Variants in CACNA1E observed in about 807,000 individuals in gnomAD.
CACNA1E encodes the protein calcium voltage-gated channel subunit alpha1 E, also known as voltage-dependent R-type calcium channel subunit alpha-1E.
In CACNA1E, 40 loss-of-function variants were observed where a neutral mutation model predicts 259.2. The ratio of observed to expected loss-of-function variants is 0.15; its 90% confidence interval spans 0.12 to 0.20. CACNA1E has a LOEUF of 0.20. CACNA1E is among the 10% of genes least tolerant of loss of function. CACNA1E has a pLI of 1.00. For synonymous variants in CACNA1E, 1,104 were observed against 1,138.5 expected, an observed-to-expected ratio of 0.97 and a Z score of 0.61; for missense variants, 1,874 against 3,040.1, an observed-to-expected ratio of 0.62 and a Z score of 9.02.
At chr1:181,422,162 C>T (rs530426383) in intron 2 of CACNA1E, among the ~76,000 whole-genome samples, 20 of 152,332 alleles carry the variant, frequency 1.3e-4, no homozygotes, top group African/African-American at 4.6e-4. Context: ...CTTCATCACA[C>T]AGTCTAAAAT....
intron 2 of CACNA1E, among the ~76,000 whole-genome samples, chr1:181,416,351 C>G (rs1452143495): frequency 6.6e-6 from 1 of 152,224 alleles, no homozygotes; most frequent in Non-Finnish European, 1.5e-5. Flanking sequence ...ATCTGCCATT[C>G]TGCAAGCTCA....
chr1:181,318,736 CG>C (rs1557906219), intron 1 of CACNA1E, among the ~76,000 whole-genome samples: 1 of 152,122 alleles, frequency 6.6e-6, no homozygotes, highest in Non-Finnish European at 1.5e-5. Context: ...GGAGGCGACT[CG>C]GGACTGCTGT....
intron 2 of CACNA1E, among the ~76,000 whole-genome samples, chr1:181,458,359 A>G (rs1415639338): frequency 3.3e-5 from 5 of 152,200 alleles, no homozygotes; most frequent in Non-Finnish European, 7.3e-5. Flanking sequence ...GCCCACCAGA[A>G]GGCAAAAACA....
At chr1:181,360,804 A>G (rs1653807278) in intron 1 of CACNA1E, among the ~76,000 whole-genome samples, 2 of 152,164 alleles carry the variant, frequency 1.3e-5, no homozygotes, top group Admixed American at 1.3e-4. Context: ...CCCTTTACAA[A>G]ATATTTCTGG....
chr1:181,694,818 G>T (rs1291671343), intron 7 of CACNA1E, among the ~76,000 whole-genome samples: 1 of 152,108 alleles, frequency 6.6e-6, no homozygotes, highest in African/African-American at 2.4e-5. Context: ...CTGGAAATGG[G>T]CAAGGACTTT....
At chr1:181,480,356 G>A (rs115337538), upstream of CACNA1E, among the ~76,000 whole-genome samples, 1,302 of 152,234 alleles carry the variant, frequency 8.6e-3, 6 homozygotes, top group Admixed American at 0.014. Flanking sequence ...CACCCTCCAA[G>A]AATTATCCCT....
At chr1:181,409,525 G>T (rs16857253) in intron 1 of CACNA1E, among the ~76,000 whole-genome samples, 15,956 of 152,260 alleles carry the variant, frequency 0.1, 921 homozygotes, top group South Asian at 0.18. Flanking sequence ...AGTACTAGGT[G>T]CTGGGTATAG....
chr1:181,791,969 TG>T (rs1251738429), intron 44 of CACNA1E, among the ~76,000 whole-genome samples: 2 of 152,182 alleles, frequency 1.3e-5, no homozygotes, highest in African/African-American at 4.8e-5. Flanking sequence ...CGTGCATGGT[TG>T]TGTGGGGGAG....
intron 3 of CACNA1E, among the ~76,000 whole-genome samples, chr1:181,530,473 C>A (rs1667699626): frequency 6.6e-6 from 1 of 151,950 alleles, no homozygotes; most frequent in Non-Finnish European, 1.5e-5. Flanking sequence ...TCAGTTGATT[C>A]CAGTGAAAAA....
At chr1:181,658,079 T>C (rs959895389) in intron 7 of CACNA1E, among the ~76,000 whole-genome samples, 1 of 152,238 alleles carries the variant, frequency 6.6e-6, no homozygotes, top group African/African-American at 2.4e-5. Context: ...GTATATATTT[T>C]AGTTTGGAAA....
chr1:181,378,033 C>T (rs964796512), intron 1 of CACNA1E, among the ~76,000 whole-genome samples: 4 of 152,150 alleles, frequency 2.6e-5, no homozygotes. Context: ...TTCAGATGGC[C>T]ATTAAGATTT....
chr1:181,391,945 C>CTG (rs201388697), intron 1 of CACNA1E, among the ~76,000 whole-genome samples: 3,231 of 118,198 alleles, frequency 0.027, 49 homozygotes, highest in Middle Eastern at 0.075. Context: ...CTCTCTCTCT[C>CTG]TGTGTGTGTG....
At position 181,762,592 on chromosome 1, in the gene CACNA1E, T is replaced by G; in HGVS notation, c.4624T>G (p.Trp1542Gly). ...FGFLNYFRDT[W>G]NIFDFITVIG... ...TTGGCAGAACTATTTCCGAGACACC[T>G]GGAATATCTTTGACTTCATCACCGT... The change falls in exon 33 of 48, where the codon TGG (tryptophan) becomes GGG (glycine). Residue 1542 changes from tryptophan to glycine, a missense_variant. Trp to Gly is a radical substitution (Grantham distance 184). Coordinates refer to ENST00000367573, the MANE Select transcript of CACNA1E (RefSeq NM_001205293.3). 1 of 1,608,232 alleles carries G rather than the reference T, an allele frequency of 6.2e-7. No homozygotes were observed. Among genetic ancestry groups the G allele is most frequent in the Non-Finnish European group, 8.5e-7 (1 of 1,175,218 alleles).
intron 3 of CACNA1E, among the ~76,000 whole-genome samples, chr1:181,566,264 T>G (rs1182631492): frequency 6.6e-6 from 1 of 152,244 alleles, no homozygotes; most frequent in Non-Finnish European, 1.5e-5. Context: ...ATTATCTCAG[T>G]GACCTGGAGC....
intron 3 of CACNA1E, among the ~76,000 whole-genome samples, chr1:181,513,191 G>A (rs1666292392): frequency 2.6e-5 from 4 of 152,076 alleles, no homozygotes; most frequent in South Asian, 4.1e-4. Flanking sequence ...AAGAAATATG[G>A]AAAATACAGA....
At chr1:181,379,729 G>A (rs909643861) in intron 1 of CACNA1E, among the ~76,000 whole-genome samples, 8 of 151,982 alleles carry the variant, frequency 5.3e-5, no homozygotes, top group Admixed American at 2.6e-4. Context: ...CCTCCTAAAG[G>A]CCTCACCTTC....
chr1:181,742,600 G>A (rs1211492275), intron 25 of CACNA1E, among the ~76,000 whole-genome samples: 1 of 152,162 alleles, frequency 6.6e-6, no homozygotes. Context: ...AACCAGGGCT[G>A]ACATGGCATT....
At chr1:181,792,570 C>A (rs1408876943) in intron 44 of CACNA1E, among the ~76,000 whole-genome samples, 1 of 152,222 alleles carries the variant, frequency 6.6e-6, no homozygotes, top group Non-Finnish European at 1.5e-5. Flanking sequence ...TGCACCATAG[C>A]ACATGTCTTG....
At chr1:181,481,956 C>T (rs1267498665), upstream of CACNA1E, among the ~76,000 whole-genome samples, 1 of 152,116 alleles carries the variant, frequency 6.6e-6, no homozygotes, top group Non-Finnish European at 1.5e-5. Context: ...TAGTTTTAGC[C>T]CATAACTCAC....
Sources: gnomAD v4.1 joint callset for allele counts (sites outside exome capture counted in the v4.1 genomes callset) on GRCh38, gnomAD v4.1.1 for gene constraint, MANE v1.5 for transcripts, NCBI Gene and HGNC (gene_info 2026-07-23, HGNC 2026-07-21) for gene names.